The following PSG7 variants were observed in gnomAD, a reference collection of about 807,000 sequenced individuals.
PSG7 encodes pregnancy specific beta-1-glycoprotein 7, also known as pregnancy-specific beta-1-glycoprotein 7.
PSG7 carries 57 observed loss-of-function variants against 45.6 expected under a neutral mutation model. That is an observed-to-expected ratio of 1.25 (90% CI 1.01 to 1.56). The LOEUF (loss-of-function observed/expected upper bound fraction) is 1.56, where lower values mean the gene tolerates loss of function less well. PSG7 is among the 40% of genes most tolerant of loss of function. PSG7 has a pLI of 0.00. For missense variants in PSG7, 796 were observed against 508.4 expected (o/e 1.57, Z -5.44); for synonymous variants, 298 against 194.4 (o/e 1.53, Z -4.43).
chr19:42,929,321 G>T, intron 3 of PSG7, 121 bp downstream of exon 3: 1 of 1,585,814 alleles, frequency 6.3e-7, no homozygotes, highest in South Asian at 1.2e-5. Flanking sequence ...GTCACCACCA[G>T]CTTTGATGTC....
Position 42,937,126 on chromosome 19 carries a change from A to T in PSG7, c.-50T>A, listed in dbSNP as rs112960175. 2 of 1,594,602 alleles carry T rather than the reference A, an allele frequency of 1.3e-6. No homozygotes were observed. The highest frequency in any genetic ancestry group is 1.7e-6 in the Non-Finnish European group (2 of 1,166,738). On this transcript the variant is annotated 5_prime_UTR_variant, in exon 1 of 6. Transcript: ENST00000406070. ...CTCTGTGGAGATGAGCCTAGGATCCAGAATCTTCCTGAGCACGGCTGTCAG... is the reference window on the plus strand; with the variant it reads ...CTCTGTGGAGATGAGCCTAGGATCCTGAATCTTCCTGAGCACGGCTGTCAG...
At chr19:42,927,037 T>C (rs1332025279) in intron 3 of PSG7, 1 of 417,078 alleles carries the variant, frequency 2.4e-6, no homozygotes, top group Non-Finnish European at 4.2e-6. Flanking sequence ...ACTGGCTGGC[T>C]CACCCTGGGT....
At chr19:42,928,146 C>A (rs1247230668) in intron 3 of PSG7, among the ~76,000 whole-genome samples, 1 of 151,388 alleles carries the variant, frequency 6.6e-6, no homozygotes, top group East Asian at 1.9e-4. Context: ...CCATGCTGCA[C>A]TTGTATATTT....
intron 2 of PSG7, among the ~76,000 whole-genome samples, chr19:42,930,175 C>T (rs548654404): frequency 8.6e-5 from 13 of 151,768 alleles, no homozygotes; most frequent in Non-Finnish European, 1.5e-4. Context: ...TGGAACTTCC[C>T]ATTGTCCTTA....
Position 42,926,544 on chromosome 19 carries a change from G to C in PSG7, c.882C>G (p.Ile294Met). 5 of 1,610,564 alleles carry C rather than the reference G, an allele frequency of 3.1e-6. 1 individual carries two copies. In the South Asian group the frequency reaches 5.5e-5, roughly 18 times the overall value. The change falls in exon 4 of 6, where the codon ATC becomes ATG. Residue 294 changes from isoleucine to methionine, a missense_variant. Physicochemically the swap from Ile to Met is conservative, Grantham distance 10. Transcript: ENST00000406070. ...PRVKRRIENR[I>M]LILPSVTRNE... ...TTCTCGTGACACTGGGTAGAATGAG[G>C]ATCCTGTTTTCAATGCGTCGCTTTA...
At chr19:42,929,982 C>T (rs1376997240) in intron 2 of PSG7, among the ~76,000 whole-genome samples, 2 of 151,584 alleles carry the variant, frequency 1.3e-5, no homozygotes, top group Non-Finnish European at 2.9e-5. Flanking sequence ...GACACAGGAC[C>T]AGCAGTCACA....
chr19:42,935,798 A>G, intron 1 of PSG7, 29 bp from the exon 2 acceptor site: 2 of 1,590,472 alleles, frequency 1.3e-6, no homozygotes, highest in South Asian at 1.2e-5. Context: ...ATCAGTCAAT[A>G]TTGAGACCTA....
intron 2 of PSG7, among the ~76,000 whole-genome samples, chr19:42,934,056 G>A (rs1187706171): frequency 2.6e-5 from 4 of 151,656 alleles, no homozygotes; most frequent in Middle Eastern, 3.4e-3. Flanking sequence ...TCCTGAGTAT[G>A]TGTCTCTGGC....
At position 42,933,188 on chromosome 19, in the gene PSG7, A is replaced by G. The variant is rs1322711927; in HGVS notation, c.430+2216T>C. On this transcript the variant is annotated intron_variant, in intron 2 of 5. Coordinates refer to ENST00000406070, the MANE Select transcript of PSG7 (RefSeq NM_002783.3). ...CTGATCCACTGGGGAGGCTGATTTG[A>G]GTAATAATAAACCTCTGTCCTCCTG... Among the ~76,000 whole-genome samples, 9 of 141,126 alleles carry G rather than the reference A, an allele frequency of 6.4e-5. 1 individual carries two copies. The highest frequency in any genetic ancestry group is 1.4e-4 in the Non-Finnish European group (9 of 65,346). The allele number at this position is 141,126 out of a possible 152,430, so 92.6% of individuals were successfully genotyped here. A position where few individuals can be genotyped will look rare whatever the true frequency, so the allele number is the denominator to read the frequency against.
At chr19:42,926,350 A>G (rs1972888276) in intron 4 of PSG7, 88 bp downstream of exon 4, 11 of 1,578,914 alleles carry the variant, frequency 7.0e-6, no homozygotes, top group Non-Finnish European at 8.6e-6. Flanking sequence ...TGGACCGGAG[A>G]GAGACTGAGA....
chr19:42,926,342 G>T, intron 4 of PSG7, 96 bp downstream of exon 4: 4 of 1,570,570 alleles, frequency 2.5e-6, no homozygotes, highest in South Asian at 2.4e-5. Flanking sequence ...TCTATACTTG[G>T]ACCGGAGAGA....
At chr19:42,924,944 G>A in intron 5 of PSG7, 120 bp from the exon 6 acceptor site, 1 of 710,500 alleles carries the variant, frequency 1.4e-6, no homozygotes, top group East Asian at 2.5e-5. Flanking sequence ...TTTTACCAAT[G>A]ATAATTTCAG....
rs375316497 is a variant in PSG7, at chr19:42,937,123, T to A, written c.-47A>T. On this transcript the variant is annotated 5_prime_UTR_variant, in exon 1 of 6. Transcript: ENST00000406070. ...CTCCTCTGTGGAGATGAGCCTAGGATCCAGAATCTTCCTGAGCACGGCTGT... is the reference window on the plus strand; with the variant it reads ...CTCCTCTGTGGAGATGAGCCTAGGAACCAGAATCTTCCTGAGCACGGCTGT... The A allele has an allele frequency of 1.5e-4, 235 of 1,594,306 alleles. 7 individuals are homozygous for A. Among genetic ancestry groups the A allele is most frequent in the Non-Finnish European group, 1.9e-4 (223 of 1,166,530 alleles).
chr19:42,926,030 G>A lies in PSG7; in HGVS notation c.989-3C>T, dbSNP rs1038381506. The stretch of plus-strand genomic sequence containing the variant: ...AATTCTGGGGAGGTCTGGACCATCT[G>A]GAGGAAAGAGAATAAAGCCACAGGT... On this transcript the variant is annotated splice_region_variant and splice_polypyrimidine_tract_variant and intron_variant, in intron 4 of 5. Coordinates refer to ENST00000406070, the MANE Select transcript of PSG7 (RefSeq NM_002783.3). The A allele has an allele frequency of 8.1e-6, 13 of 1,611,040 alleles. No homozygotes were observed. Among genetic ancestry groups the A allele is most frequent in the Non-Finnish European group, 1.0e-5 (12 of 1,178,436 alleles).
chr19:42,930,174 C>T lies in PSG7; in HGVS notation c.431-454G>A, dbSNP rs921492962. On this transcript the variant is annotated intron_variant, in intron 2 of 5. Transcript: ENST00000406070. ...TCCTAGAGATGGATGATGGAACTTC[C>T]CATTGTCCTTAAACCCTTTGGGTAC... Among the ~76,000 whole-genome samples the T allele has an allele frequency of 2.0e-5, 3 of 151,654 alleles. 1 individual carries two copies. Among genetic ancestry groups the T allele is most frequent in the African/African-American group, 7.3e-5 (3 of 41,256 alleles).
At chr19:42,930,536 C>T (rs1972997642) in intron 2 of PSG7, among the ~76,000 whole-genome samples, 1 of 151,718 alleles carries the variant, frequency 6.6e-6, no homozygotes, top group Non-Finnish European at 1.5e-5. Flanking sequence ...TTTGCAAATA[C>T]AGAACTGACT....
intron 4 of PSG7, 94 bp from the exon 5 acceptor site, chr19:42,926,121 G>T: frequency 1.3e-6 from 2 of 1,536,040 alleles, no homozygotes; most frequent in South Asian, 2.5e-5. Flanking sequence ...TCTGAGCCGA[G>T]ACACACCCTC....
rs143004998 is a variant in PSG7, at chr19:42,936,181, G to C, written c.65-412C>G. 3.3e-3 allele frequency: 634 copies of C among 194,658 alleles called. 13 individuals are homozygous for C. The highest frequency in any genetic ancestry group is 0.014 in the African/African-American group (604 of 42,844). The allele number at this position is 194,658 out of a possible 1,614,324, so 12.1% of individuals were successfully genotyped here. On this transcript the variant is annotated intron_variant, in intron 1 of 5. Transcript: ENST00000406070. ...TTCCTTTTTGACCTTTCCCTGCTCT[G>C]CTCCCTCCAGGGTTCTTGTCAACAC...
In PSG7 at chr19:42,926,480, A is replaced by T. The variant is rs368588330; in HGVS notation, c.946T>A (p.Tyr316Asn). Reference protein sequence around the residue: ...GPYQCEIRDRYGGIRSDPVTL... With the variant: ...GPYQCEIRDRNGGIRSDPVTL... ...ACTGGGTCACTGCGGATGCCACCAT[A>T]TCGGTCCCGTATTTCACATTGATAG... The change falls in exon 4 of 6, where the codon TAT becomes AAT. Residue 316 changes from tyrosine (Y) to asparagine (N), a missense_variant. Coordinates refer to ENST00000406070, the MANE Select transcript of PSG7 (RefSeq NM_002783.3). 2 of 1,611,526 alleles carry T rather than the reference A, an allele frequency of 1.2e-6. No homozygotes were observed. Among genetic ancestry groups the T allele is most frequent in the Admixed American group, 1.7e-5 (1 of 59,836 alleles).
Sources: gnomAD v4.1 joint callset for allele counts (sites outside exome capture counted in the v4.1 genomes callset) on GRCh38, gnomAD v4.1.1 for gene constraint, MANE v1.5 for transcripts, NCBI Gene and HGNC (gene_info 2026-07-23, HGNC 2026-07-21) for gene names.